The following MYT1L variants were observed in gnomAD, a reference collection of about 807,000 sequenced individuals.
The protein encoded by MYT1L is myelin transcription factor 1-like protein.
A neutral mutation model predicts 126.7 loss-of-function variants in MYT1L; 12 were observed. The observed-to-expected ratio is 0.09, with a 90% confidence interval of 0.06 to 0.15. The LOEUF (loss-of-function observed/expected upper bound fraction) is 0.15. MYT1L is among the 10% of genes least tolerant of loss of function. The pLI, the probability that MYT1L is intolerant of heterozygous loss-of-function variation, is 1.00. For missense variants in MYT1L, 979 were observed against 1,585.2 expected (o/e 0.62, Z 6.49); for synonymous variants, 541 against 604.2 (o/e 0.90, Z 1.53).
At chr2:2,015,728 A>G (rs1018093934) in intron 4 of MYT1L, among the ~76,000 whole-genome samples, 11 of 152,198 alleles carry the variant, frequency 7.2e-5, no homozygotes, top group Admixed American at 6.5e-4. Context: ...GGAACTTCCC[A>G]CCAGCACACC....
At chr2:1,967,451 GC>G (rs1202428418) in intron 8 of MYT1L, among the ~76,000 whole-genome samples, 1 of 152,170 alleles carries the variant, frequency 6.6e-6, no homozygotes, top group Non-Finnish European at 1.5e-5. Context: ...GTGCTAAAGG[GC>G]CCTGACTCAC....
chr2:1,887,401 A>G lies in MYT1L; in HGVS notation c.2642+87T>C. On this transcript the variant is annotated intron_variant, in intron 17 of 24. Coordinates refer to ENST00000647738, the MANE Select transcript of MYT1L (RefSeq NM_001303052.2). This position sits in a 1 kb window ranked among gnomAD's most constrained non-coding sequence, Gnocchi z 4.8. Reference sequence around the variant, plus strand: ...TGCGAATGTCGCATGCTCAAACGGCAAGGCATATACAGATCCAGTTTTAAA... The same window carrying G: ...TGCGAATGTCGCATGCTCAAACGGCGAGGCATATACAGATCCAGTTTTAAA... 6.4e-7 allele frequency: 1 copy of G among 1,552,412 alleles called. No homozygotes were observed. Among genetic ancestry groups the G allele is most frequent in the Non-Finnish European group, 8.9e-7 (1 of 1,128,738 alleles).
In MYT1L at chr2:2,027,333, T is replaced by C. The variant is rs553254272; in HGVS notation, c.-158+26645A>G. ...ACGTGGAGCACCCTACTCTGTGTTGTAGCCCACCACAGGCTTAAACTCAGG... is the reference window on the plus strand; with the variant it reads ...ACGTGGAGCACCCTACTCTGTGTTGCAGCCCACCACAGGCTTAAACTCAGG... On this transcript the variant is annotated intron_variant, in intron 4 of 24. Coordinates refer to ENST00000647738, the MANE Select transcript of MYT1L (RefSeq NM_001303052.2). Among the ~76,000 whole-genome samples, 7 of 152,288 alleles carry C rather than the reference T, an allele frequency of 4.6e-5. No individual in the cohort carries two copies. The South Asian group carries it at 1.5e-3, about 32-fold the overall frequency.
At chr2:2,095,735 G>C (rs915568801) in intron 3 of MYT1L, among the ~76,000 whole-genome samples, 1 of 152,170 alleles carries the variant, frequency 6.6e-6, no homozygotes, top group Non-Finnish European at 1.5e-5. Flanking sequence ...AAATACATGA[G>C]CATCAGGTCT....
At chr2:2,109,875 T>TTATATA (rs58549168) in intron 3 of MYT1L, among the ~76,000 whole-genome samples, 979 of 63,636 alleles carry the variant, frequency 0.015, 39 homozygotes, top group Non-Finnish European at 0.018. Flanking sequence ...AGTGCTGATT[T>TTATATA]TATATATATA....
At chr2:1,928,376 A>G (rs954971750) in intron 9 of MYT1L, among the ~76,000 whole-genome samples, 2 of 152,216 alleles carry the variant, frequency 1.3e-5, no homozygotes, top group Admixed American at 1.3e-4. Context: ...TCCCTCTGAA[A>G]GGTGACAGTA....
intron 2 of MYT1L, among the ~76,000 whole-genome samples, chr2:2,209,478 A>G (rs1022437163): frequency 6.6e-6 from 1 of 152,124 alleles, no homozygotes; most frequent in Non-Finnish European, 1.5e-5. Context: ...TAGTTTCCAC[A>G]AGTATGTGAG....
chr2:2,259,470 C>G (rs1572910850), intron 2 of MYT1L, among the ~76,000 whole-genome samples: 1 of 150,826 alleles, frequency 6.6e-6, no homozygotes, highest in East Asian at 1.9e-4. Context: ...TTGTGGTATC[C>G]TTTCCTAATG....
At position 1,806,382 on chromosome 2, in the gene MYT1L, T is replaced by A. The variant is rs565307607; in HGVS notation, c.3172+2694A>T. 2.6e-5 allele frequency among the ~76,000 whole-genome samples: 4 copies of A among 152,096 alleles called. No individual in the cohort carries two copies. The highest frequency in any genetic ancestry group is 4.4e-5 in the Non-Finnish European group (3 of 68,002). ...AACTTAGCACAACACGAACTGTGTG[T>A]CTAGAAACTTGGGTGAAATGCAGCG... On this transcript the variant is annotated intron_variant, in intron 22 of 24. Coordinates refer to ENST00000647738, the MANE Select transcript of MYT1L (RefSeq NM_001303052.2). This position sits in a 1 kb window ranked among gnomAD's most constrained non-coding sequence, Gnocchi z 4.9.
chr2:2,188,687 C>T (rs995315518), intron 2 of MYT1L, among the ~76,000 whole-genome samples: 4 of 152,012 alleles, frequency 2.6e-5, no homozygotes, highest in Non-Finnish European at 1.5e-5. Context: ...TTTAGACTTC[C>T]TGGGGATCTG....
rs188769311 is a variant in MYT1L, at chr2:2,316,163, T to C, written c.-521+14804A>G. Among the ~76,000 whole-genome samples the C allele has an allele frequency of 7.4e-4, 113 of 152,342 alleles. 2 individuals are homozygous for C. The East Asian group carries it at 0.014, about 18-fold the overall frequency. On this transcript the variant is annotated intron_variant, in intron 1 of 24. Transcript: ENST00000647738. Reference sequence around the variant, plus strand: ...ACCACTGCCCAACCTCAACATGAGCTTGATTTCTCAGACTCCTTTCCTTTT... The same window carrying C: ...ACCACTGCCCAACCTCAACATGAGCCTGATTTCTCAGACTCCTTTCCTTTT...
chr2:2,262,921 TATATATATATAACCTGTG>T (rs1196538158), intron 2 of MYT1L, among the ~76,000 whole-genome samples: 10 of 92,858 alleles, frequency 1.1e-4, no homozygotes, highest in Admixed American at 7.9e-4. Flanking sequence ...CACAAATATA[TATATATATATAACCTGTG>T]ATATATATAT....
In MYT1L at chr2:2,001,843, T is replaced by C. The variant is rs1574386184; in HGVS notation, c.-157-4496A>G. On this transcript the variant is annotated intron_variant, in intron 4 of 24. Transcript: ENST00000647738. ...TCGTTCCAACCTGGTACCCCGGGGA[T>C]TCTTGGTTTACTTTTTCATTCCTCG... Among the ~76,000 whole-genome samples the C allele has an allele frequency of 2.0e-5, 3 of 152,062 alleles. No individual in the cohort carries two copies. In the East Asian group the frequency reaches 5.8e-4, roughly 29 times the overall value.
intron 10 of MYT1L, among the ~76,000 whole-genome samples, chr2:1,919,682 T>C (rs1427126384): frequency 6.6e-6 from 1 of 152,234 alleles, no homozygotes; most frequent in Non-Finnish European, 1.5e-5. Context: ...CTGTTGGCTG[T>C]GTTGGTGAGA....
intron 9 of MYT1L, among the ~76,000 whole-genome samples, chr2:1,925,700 T>C (rs968262356): frequency 3.3e-5 from 5 of 152,116 alleles, no homozygotes; most frequent in Non-Finnish European, 5.9e-5. Context: ...CCGATGCATC[T>C]CCAGCTTTAT....
At chr2:1,998,441 A>G (rs1312811185) in intron 4 of MYT1L, among the ~76,000 whole-genome samples, 1 of 152,138 alleles carries the variant, frequency 6.6e-6, no homozygotes, top group Non-Finnish European at 1.5e-5. Context: ...GAATTCGCAA[A>G]TCTTTTCCTT....
chr2:2,022,706 A>AC (rs2149839636), intron 4 of MYT1L, among the ~76,000 whole-genome samples: 1 of 151,868 alleles, frequency 6.6e-6, no homozygotes, highest in South Asian at 2.1e-4. Flanking sequence ...CTGCTCTGAA[A>AC]AAAAAAAAAA....
At chr2:2,149,121 T>C (rs1416087079) in intron 3 of MYT1L, among the ~76,000 whole-genome samples, 1 of 152,220 alleles carries the variant, frequency 6.6e-6, no homozygotes, top group African/African-American at 2.4e-5. Context: ...ATTTTCTTCC[T>C]TCCTTCCTCT....
chr2:1,815,941 C>T (rs948966895), intron 21 of MYT1L, among the ~76,000 whole-genome samples: 1 of 152,214 alleles, frequency 6.6e-6, no homozygotes, highest in Non-Finnish European at 1.5e-5. Context: ...CCCTGTGCAT[C>T]AGCACGCTTC....
Sources: gnomAD v4.1 joint callset for allele counts (sites outside exome capture counted in the v4.1 genomes callset) on GRCh38, gnomAD v4.1.1 for gene constraint, Gnocchi (gnomAD v3.1) non-coding constraint, MANE v1.5 for transcripts, NCBI Gene and HGNC (gene_info 2026-07-23, HGNC 2026-07-21) for gene names.